Variants in GABBR2 observed in about 807,000 individuals in gnomAD.
GABBR2 encodes the protein G-protein coupled receptor 51.
In GABBR2, 23 loss-of-function variants were observed where a neutral mutation model predicts 105.6. The ratio of observed to expected loss-of-function variants is 0.22; its 90% CI spans 0.16 to 0.31. GABBR2 has a LOEUF of 0.31. GABBR2 is among the 10% of genes least tolerant of loss of function. The probability of loss-of-function intolerance (pLI) is 1.00; values close to 1 mark genes in which losing one functional copy is unlikely to be tolerated. For missense variants in GABBR2, 734 were observed against 1,245.5 expected (o/e 0.59, Z 6.18); for synonymous variants, 478 against 499.7 (o/e 0.96, Z 0.58).
chr9:98,706,810 C>G (rs1271836718), intron 1 of GABBR2, among the ~76,000 whole-genome samples: 4 of 152,242 alleles, frequency 2.6e-5, no homozygotes, highest in African/African-American at 9.6e-5. Flanking sequence ...GCAGTAGCAA[C>G]AGAGAAACTG....
chr9:98,303,452 G>A, intron 15 of GABBR2, 29 bp from the exon 16 acceptor site: 1 of 1,600,944 alleles, frequency 6.2e-7, no homozygotes, highest in Non-Finnish European at 8.5e-7. Context: ...GGGCGGGGTT[G>A]AAGAGAGAGC....
intron 6 of GABBR2, among the ~76,000 whole-genome samples, chr9:98,468,484 G>A (rs990967628): frequency 1.2e-4 from 19 of 152,112 alleles, no homozygotes; most frequent in African/African-American, 3.4e-4. Flanking sequence ...ATTTAAAGGG[G>A]AGCCAAAATA....
intron 7 of GABBR2, among the ~76,000 whole-genome samples, chr9:98,437,214 GTGCTT>G (rs1825942402): frequency 1.3e-5 from 2 of 152,090 alleles, no homozygotes; most frequent in South Asian, 4.1e-4. Context: ...CTAGAGAAAC[GTGCTT>G]TGATTAAAAT....
At chr9:98,340,748 G>T (rs888541813) in intron 13 of GABBR2, among the ~76,000 whole-genome samples, 2 of 152,244 alleles carry the variant, frequency 1.3e-5, no homozygotes, top group Non-Finnish European at 2.9e-5. Context: ...CAAGAGGTAG[G>T]TTGGTTGGAG....
At chr9:98,392,185 A>T (rs144859099) in intron 9 of GABBR2, among the ~76,000 whole-genome samples, 1 of 152,160 alleles carries the variant, frequency 6.6e-6, no homozygotes, top group African/African-American at 2.4e-5. Flanking sequence ...GGCATCACCA[A>T]TGAAGACCTG....
chr9:98,686,042 C>G (rs183443842), intron 1 of GABBR2, among the ~76,000 whole-genome samples: 1 of 152,260 alleles, frequency 6.6e-6, no homozygotes, highest in Admixed American at 6.5e-5. Flanking sequence ...AGGCCTTGAC[C>G]TTTGGGCTTC....
chr9:98,372,876 C>CA (rs1156624663), intron 11 of GABBR2, among the ~76,000 whole-genome samples: 1 of 152,192 alleles, frequency 6.6e-6, no homozygotes, highest in Non-Finnish European at 1.5e-5. Flanking sequence ...AACAGTATCA[C>CA]AGCGCTTGTT....
intron 8 of GABBR2, among the ~76,000 whole-genome samples, chr9:98,394,889 G>A (rs1306271537): frequency 1.3e-5 from 2 of 152,140 alleles, no homozygotes; most frequent in Admixed American, 6.5e-5. Flanking sequence ...AGTTCACATT[G>A]CTATTATATG....
At chr9:98,510,862 C>T (rs1286320444) in intron 3 of GABBR2, among the ~76,000 whole-genome samples, 3 of 152,050 alleles carry the variant, frequency 2.0e-5, no homozygotes, top group South Asian at 2.1e-4. Flanking sequence ...GAAAGATCAA[C>T]GAGGATACCC....
intron 4 of GABBR2, among the ~76,000 whole-genome samples, chr9:98,489,178 T>A (rs1827122507): frequency 6.6e-6 from 1 of 152,216 alleles, no homozygotes; most frequent in African/African-American, 2.4e-5. Context: ...TGAGCTGTAG[T>A]TTGCTGACTG....
intron 13 of GABBR2, among the ~76,000 whole-genome samples, chr9:98,324,670 C>T (rs1345018103): frequency 6.6e-6 from 1 of 152,218 alleles, no homozygotes; most frequent in African/African-American, 2.4e-5. Context: ...GTAATGGCTG[C>T]TGTGGCCACT....
intron 6 of GABBR2, among the ~76,000 whole-genome samples, chr9:98,460,393 A>G (rs1826403213): frequency 6.6e-6 from 1 of 152,198 alleles, no homozygotes; most frequent in African/African-American, 2.4e-5. Flanking sequence ...AAATAAAATA[A>G]AATAGCAAGG....
At chr9:98,332,168 C>T (rs1026317684) in intron 13 of GABBR2, among the ~76,000 whole-genome samples, 1 of 152,124 alleles carries the variant, frequency 6.6e-6, no homozygotes, top group Non-Finnish European at 1.5e-5. Flanking sequence ...TGCTCCCCTG[C>T]AAAATGGAAA....
At chr9:98,579,031 G>C (rs549117263) in intron 1 of GABBR2, among the ~76,000 whole-genome samples, 2 of 152,276 alleles carry the variant, frequency 1.3e-5, no homozygotes, top group South Asian at 4.2e-4. Flanking sequence ...GTTGGAGGTG[G>C]ATGATGGTGA....
chr9:98,650,228 G>A (rs1266981468), intron 1 of GABBR2, among the ~76,000 whole-genome samples: 1 of 152,178 alleles, frequency 6.6e-6, no homozygotes, highest in East Asian at 1.9e-4. Flanking sequence ...GCAGCAGTGT[G>A]GAATAATTGA....
chr9:98,708,794 C>G lies in GABBR2; in HGVS notation c.-57G>C. The G allele has an allele frequency of 1.0e-6, 1 of 960,774 alleles. No homozygotes were observed. Among genetic ancestry groups the G allele is most frequent in the Non-Finnish European group, 1.2e-6 (1 of 809,924 alleles). 59.5% of individuals were successfully genotyped at this position (960,774 alleles called of 1,614,324 possible). The stretch of plus-strand genomic sequence containing the variant: ...TCGGCCCGCATGGCCTGGCCCGGCC[C>G]GCCGCCCCGCGCCAAGGTCTTCCCG... On this transcript the variant is annotated 5_prime_UTR_variant, in exon 1 of 19. Transcript: ENST00000259455.
intron 7 of GABBR2, among the ~76,000 whole-genome samples, chr9:98,444,681 T>C (rs901324668): frequency 2.0e-5 from 3 of 152,154 alleles, no homozygotes; most frequent in African/African-American, 7.2e-5. Context: ...AAAATGTTTC[T>C]GACAATCTGA....
At chr9:98,688,933 A>T (rs1830653077) in intron 1 of GABBR2, among the ~76,000 whole-genome samples, 1 of 152,188 alleles carries the variant, frequency 6.6e-6, no homozygotes, top group South Asian at 2.1e-4. Context: ...TCTGAGCCAG[A>T]TATTGATGTT....
At chr9:98,664,438 C>T (rs1047636711) in intron 1 of GABBR2, among the ~76,000 whole-genome samples, 5 of 152,192 alleles carry the variant, frequency 3.3e-5, no homozygotes, top group Non-Finnish European at 5.9e-5. Context: ...ATCAGATTAA[C>T]GCAGACTCAG....
Sources: gnomAD v4.1 joint callset for allele counts (sites outside exome capture counted in the v4.1 genomes callset) on GRCh38, gnomAD v4.1.1 for gene constraint, MANE v1.5 for transcripts, NCBI Gene and HGNC (gene_info 2026-07-23, HGNC 2026-07-21) for gene names.